RHOBTB1: variants seen among roughly 807,000 people sequenced by gnomAD.
RHOBTB1 encodes the protein Rho related BTB domain containing 1.
RHOBTB1 carries 40 observed loss-of-function variants against 71.6 expected under a neutral mutation model. The ratio of observed to expected loss-of-function variants is 0.56; its 90% CI spans 0.43 to 0.73. The LOEUF is 0.73. Among genes scored for constraint, RHOBTB1 ranks in the 30% least tolerant of loss-of-function variants. The pLI is 0.00. For synonymous variants in RHOBTB1, 319 were observed against 334.9 expected (o/e 0.95, Z 0.52); for missense variants, 797 against 894.0 (o/e 0.89, Z 1.38).
At chr10:60,957,182 A>G (rs2085624454) in intron 2 of RHOBTB1, among the ~76,000 whole-genome samples, 1 of 152,226 alleles carries the variant, frequency 6.6e-6, no homozygotes, top group Non-Finnish European at 1.5e-5. Flanking sequence ...AAACAGGAGT[A>G]CGTTCTAAAA....
chr10:60,999,489 G>T (rs1349643023), intron 1 of RHOBTB1, among the ~76,000 whole-genome samples: 1 of 152,136 alleles, frequency 6.6e-6, no homozygotes, highest in Non-Finnish European at 1.5e-5. Flanking sequence ...CATGCTAAGA[G>T]AAAAATGTTA....
chr10:60,922,041 G>C (rs2083594125), intron 2 of RHOBTB1, among the ~76,000 whole-genome samples: 2 of 152,070 alleles, frequency 1.3e-5, no homozygotes. Context: ...ACAAATGAGT[G>C]CTTGTTTATT....
At chr10:60,963,475 A>G (rs2085855353) in intron 2 of RHOBTB1, among the ~76,000 whole-genome samples, 1 of 152,172 alleles carries the variant, frequency 6.6e-6, no homozygotes, top group Admixed American at 6.5e-5. Context: ...AATGTTTCTC[A>G]GAAGAATAAA....
At chr10:60,970,778 A>G (rs568935982) in intron 2 of RHOBTB1, among the ~76,000 whole-genome samples, 1 of 152,152 alleles carries the variant, frequency 6.6e-6, no homozygotes, top group East Asian at 1.9e-4. Context: ...GGGCTTTTAC[A>G]GTGCAAGATT....
Position 60,888,225 on chromosome 10 carries a change from C to T in RHOBTB1, c.1443G>A (p.Lys481=), listed in dbSNP as rs2081691053. The T allele has an allele frequency of 1.9e-6, 3 of 1,613,228 alleles. No homozygotes were observed. The East Asian group carries it at 6.7e-5, about 36-fold the overall frequency. Residue 481 remains lysine, a synonymous_variant, in exon 6 of 11, where the codon AAG becomes AAA. Coordinates refer to ENST00000337910, the MANE Select transcript of RHOBTB1 (RefSeq NM_014836.5). The stretch of plus-strand genomic sequence containing the variant: ...CGGCCCACTCACCCGAGAACGTTCC[C>T]TTGCTGAGACACTCTTTTATCCGAT... ...KANRIKECLS[K]GTFSDVTFKL...
rs781178596 is a variant in RHOBTB1 at position 60,888,945 on chromosome 10, C to T, written c.723G>A (p.Pro241=). 5.6e-6 allele frequency: 9 copies of T among 1,613,928 alleles called. No individual in the cohort carries two copies. The highest frequency in any genetic ancestry group is 4.0e-5 in the African/African-American group (3 of 74,860). The change falls in exon 6 of 11, where the codon CCG becomes CCA. Residue 241 remains proline (P), a synonymous_variant. Transcript: ENST00000337910. ...APFLPPKAPP[P]VIKIPECPSM... ...AAGGACACTCTGGAATTTTGATGAC[C>T]GGTGGAGGGGCTTTTGGAGGTAGGA...
At chr10:60,921,833 G>A (rs961713501) in intron 2 of RHOBTB1, among the ~76,000 whole-genome samples, 4 of 152,148 alleles carry the variant, frequency 2.6e-5, no homozygotes, top group African/African-American at 9.7e-5. Context: ...GGACATCTGT[G>A]TGGCCCATCA....
chr10:60,958,768 T>C (rs1427577033), intron 2 of RHOBTB1, among the ~76,000 whole-genome samples: 1 of 151,932 alleles, frequency 6.6e-6, no homozygotes. Context: ...GCCCAGTAAA[T>C]TTTTGTATTT....
At chr10:60,898,331 C>G (rs2082258267) in intron 4 of RHOBTB1, among the ~76,000 whole-genome samples, 1 of 152,116 alleles carries the variant, frequency 6.6e-6, no homozygotes, top group African/African-American at 2.4e-5. Context: ...TTTTCAAAAC[C>G]ATTCATGTCG....
intron 4 of RHOBTB1, among the ~76,000 whole-genome samples, chr10:60,903,718 G>C (rs2082524983): frequency 6.6e-6 from 1 of 152,048 alleles, no homozygotes; most frequent in Admixed American, 6.6e-5. Flanking sequence ...GAGGCAGGGG[G>C]GGTTCTATCT....
chr10:60,986,413 A>G (rs2086665474), intron 1 of RHOBTB1, among the ~76,000 whole-genome samples: 1 of 143,198 alleles, frequency 7.0e-6, no homozygotes, highest in African/African-American at 2.6e-5. Flanking sequence ...AGATATATAT[A>G]TATATATATA....
intron 2 of RHOBTB1, among the ~76,000 whole-genome samples, chr10:60,954,236 C>T (rs1370792902): frequency 6.6e-6 from 1 of 152,108 alleles, no homozygotes; most frequent in African/African-American, 2.4e-5. Context: ...TTCTCTGAGT[C>T]CAGTTTCCTC....
At position 60,870,914 on chromosome 10, in the gene RHOBTB1, T is replaced by C. The variant is rs1266228524; in HGVS notation, c.*568A>G. 6.6e-6 allele frequency: 1 copy of C among 152,652 alleles called. No homozygotes were observed. The highest frequency in any genetic ancestry group is 2.4e-5 in the African/African-American group (1 of 41,448). The allele number at this position is 152,652 out of a possible 1,614,324, so 9.5% of individuals were successfully genotyped here. On this transcript the variant is annotated 3_prime_UTR_variant, in exon 11 of 11. Transcript: ENST00000337910. ...TGACTTTGTAATTACACCGATGTTA[T>C]TCAACAGAACAAAGATTAAACACTC...
rs140579660 is a variant in RHOBTB1 at position 60,991,219 on chromosome 10, A to T, written c.-162-5274T>A. On this transcript the variant is annotated intron_variant, in intron 1 of 11. Coordinates refer to the RHOBTB1 transcript ENST00000357917. ...CAGAAATATATTTTCAAAATGTAAA[A>T]TTGATGATGTAACTAACTACAGCAC... Among the ~76,000 whole-genome samples the T allele has an allele frequency of 1.2e-4, 19 of 152,244 alleles. No individual in the cohort carries two copies. In the East Asian group the frequency reaches 3.5e-3, roughly 28 times the overall value.
chr10:60,974,046 G>C (rs749973014), intron 2 of RHOBTB1, among the ~76,000 whole-genome samples: 1 of 151,990 alleles, frequency 6.6e-6, no homozygotes, highest in Non-Finnish European at 1.5e-5. Flanking sequence ...ATAGTCATCA[G>C]AATTTTCTAT....
At chr10:60,940,763 T>A (rs77025782) in intron 2 of RHOBTB1, among the ~76,000 whole-genome samples, 7,225 of 152,214 alleles carry the variant, frequency 0.047, 292 homozygotes, top group African/African-American at 0.11. Context: ...ACAAAAAAAA[T>A]GTGCTTGGAA....
chr10:60,955,716 T>G (rs1253441821), intron 2 of RHOBTB1, among the ~76,000 whole-genome samples: 2 of 152,136 alleles, frequency 1.3e-5, no homozygotes, highest in Non-Finnish European at 2.9e-5. Flanking sequence ...CTACAATGTG[T>G]CAGTTACAGA....
intron 2 of RHOBTB1, among the ~76,000 whole-genome samples, chr10:60,916,030 C>T (rs2083254324): frequency 6.6e-6 from 1 of 152,180 alleles, no homozygotes; most frequent in South Asian, 2.1e-4. Context: ...AAACTCCTAC[C>T]TTTACAGCCT....
intron 2 of RHOBTB1, among the ~76,000 whole-genome samples, chr10:60,919,245 C>G (rs2083428588): frequency 6.6e-6 from 1 of 152,088 alleles, no homozygotes; most frequent in Non-Finnish European, 1.5e-5. Flanking sequence ...TTTAGCTCAG[C>G]CATTAAAAAA....
Sources: allele counts gnomAD v4.1 joint callset (sites outside exome capture counted in the v4.1 genomes callset), GRCh38; gene constraint gnomAD v4.1.1; transcripts MANE v1.5; gene names NCBI Gene and HGNC (gene_info 2026-07-23, HGNC 2026-07-21).